The following TRPC5 variants were observed in gnomAD, a reference collection of about 807,000 sequenced individuals.
The protein encoded by TRPC5 is transient receptor potential cation channel subfamily C member 5.
Under a neutral mutation model 56.5 loss-of-function variants are expected in TRPC5, and 9 were observed. The observed-to-expected ratio is 0.16, with a 90% CI of 0.10 to 0.28. TRPC5 has a LOEUF of 0.28. Among genes scored for constraint, TRPC5 ranks in the 10% least tolerant of loss-of-function variants. The pLI is 1.00. For synonymous variants in TRPC5, 282 were observed against 278.5 expected (o/e 1.01, Z -0.13); for missense variants, 469 against 748.9 (o/e 0.63, Z 4.36).
chrX:111,867,267 GAAAGGACAGAAT>G, intron 3 of TRPC5, among the ~76,000 whole-genome samples: 1 of 111,748 alleles, frequency 8.9e-6, no homozygotes, highest in Middle Eastern at 4.6e-3. Flanking sequence ...TTTTATAAAA[GAAAGGACAGAAT>G]AAAGGACAGT....
chrX:111,875,354 G>C (rs1250311332), intron 3 of TRPC5, among the ~76,000 whole-genome samples: 1 of 110,948 alleles, frequency 9.0e-6, no homozygotes, highest in Non-Finnish European at 1.9e-5. Flanking sequence ...TTGAAGAAAA[G>C]ACTGAAGTTT....
At chrX:111,793,961 C>T (rs1253456158) in intron 7 of TRPC5, among the ~76,000 whole-genome samples, 1 of 111,422 alleles carries the variant, frequency 9.0e-6, no homozygotes, top group Non-Finnish European at 1.9e-5. Context: ...TCACAAGAGG[C>T]TGTATTCTAT....
At chrX:112,056,180 A>C (rs934137087) in intron 1 of TRPC5, among the ~76,000 whole-genome samples, 5 of 111,641 alleles carry the variant, frequency 4.5e-5, no homozygotes, top group African/African-American at 1.6e-4. Context: ...GCAGTGGCTC[A>C]AGTTGGGCCC....
chrX:111,819,645 C>T (rs1046422884), intron 7 of TRPC5, among the ~76,000 whole-genome samples: 5 of 111,808 alleles, frequency 4.5e-5, no homozygotes, highest in Non-Finnish European at 9.4e-5. Flanking sequence ...AGCTGCAGGT[C>T]CGTCCTCACC....
intron 4 of TRPC5, 84 bp downstream of exon 4, chrX:111,853,686 G>A (rs1014312909): frequency 1.0e-6 from 1 of 981,816 alleles, no homozygotes; most frequent in Non-Finnish European, 1.4e-6. Context: ...CTAGTTCAGA[G>A]CTAGTCTGAC....
intron 1 of TRPC5, among the ~76,000 whole-genome samples, chrX:111,996,234 C>G (rs767557970): frequency 5.6e-4 from 56 of 100,831 alleles, no homozygotes; most frequent in Admixed American, 7.7e-4. Context: ...CCTTCATTTC[C>G]TTATTTACCC....
At position 111,920,287 on chromosome X, in the gene TRPC5, A is replaced by G. The variant is rs1926093662; in HGVS notation, c.379-7475T>C. Among the ~76,000 whole-genome samples, 6 of 108,331 alleles carry G rather than the reference A, an allele frequency of 5.5e-5. No individual in the cohort carries two copies. In the South Asian group the frequency reaches 2.4e-3, roughly 43 times the overall value. 94.1% of individuals were successfully genotyped at this position (108,331 alleles called of 115,157 possible). A position where few individuals can be genotyped will look rare whatever the true frequency, so the allele number is the denominator to read the frequency against. ...GAGACTCTGTCTCAACAAAACAACAAAAAAAATGTATCTTAATCAAAAGCA... is the reference window on the plus strand; with the variant it reads ...GAGACTCTGTCTCAACAAAACAACAGAAAAAATGTATCTTAATCAAAAGCA... On this transcript the variant is annotated intron_variant, in intron 2 of 10. Transcript: ENST00000262839.
chrX:111,771,735 T>C lies in TRPC5; in HGVS notation c.*4578A>G, dbSNP rs1189821868. On this transcript the variant is annotated 3_prime_UTR_variant, in exon 11 of 11. Transcript: ENST00000262839. ...GACTTTATTTTGCCAAAAATGTGTATATTTAAGTCTTCCAGGTAAGTTATT... is the reference window on the plus strand; with the variant it reads ...GACTTTATTTTGCCAAAAATGTGTACATTTAAGTCTTCCAGGTAAGTTATT... Among the ~76,000 whole-genome samples the C allele has an allele frequency of 1.8e-5, 2 of 110,153 alleles. No individual in the cohort carries two copies. The highest frequency in any genetic ancestry group is 4.7e-3 in the Middle Eastern group (1 of 211).
chrX:111,863,719 C>T (rs1309326404), intron 3 of TRPC5, among the ~76,000 whole-genome samples: 3 of 111,797 alleles, frequency 2.7e-5, no homozygotes. Flanking sequence ...TTTCAAGTTT[C>T]CTATTAAGTG....
chrX:111,805,545 G>GA (rs1376760088), intron 7 of TRPC5, among the ~76,000 whole-genome samples: 1 of 111,524 alleles, frequency 9.0e-6, no homozygotes, highest in Admixed American at 9.6e-5. Context: ...TTATTGAGCT[G>GA]AAAAATCAAG....
At chrX:111,835,837 G>T (rs1922551081) in intron 6 of TRPC5, among the ~76,000 whole-genome samples, 1 of 111,820 alleles carries the variant, frequency 8.9e-6, no homozygotes, top group Non-Finnish European at 1.9e-5. Flanking sequence ...AAACTGCATG[G>T]AGGAGCTTGA....
intron 3 of TRPC5, among the ~76,000 whole-genome samples, chrX:111,898,521 C>T (rs994332601): frequency 9.2e-6 from 1 of 108,885 alleles, no homozygotes; most frequent in African/African-American, 3.3e-5. Context: ...GTTGTTCCTC[C>T]CTCCCTCCTT....
At chrX:111,955,156 T>C (rs1927200116) in intron 1 of TRPC5, among the ~76,000 whole-genome samples, 1 of 112,309 alleles carries the variant, frequency 8.9e-6, no homozygotes, top group African/African-American at 3.2e-5. Flanking sequence ...GTTTTAATTT[T>C]CATCTCTTGC....
At chrX:112,027,290 G>A (rs1292244580) in intron 1 of TRPC5, among the ~76,000 whole-genome samples, 1 of 111,906 alleles carries the variant, frequency 8.9e-6, no homozygotes, top group Non-Finnish European at 1.9e-5. Context: ...TGTTGTGTGT[G>A]TATGCGCATG....
chrX:112,054,672 T>G (rs1017320169), intron 1 of TRPC5, among the ~76,000 whole-genome samples: 1 of 110,981 alleles, frequency 9.0e-6, no homozygotes. Context: ...CAGCCAGAAC[T>G]AGAGATCTGA....
chrX:112,023,017 C>T (rs1929311760), intron 1 of TRPC5, among the ~76,000 whole-genome samples: 1 of 110,360 alleles, frequency 9.1e-6, no homozygotes, highest in African/African-American at 3.3e-5. Context: ...TCACTGCAAG[C>T]TCTACTTCCC....
intron 9 of TRPC5, among the ~76,000 whole-genome samples, chrX:111,779,914 G>A (rs1396232145): frequency 2.7e-5 from 3 of 111,360 alleles, no homozygotes; most frequent in African/African-American, 6.5e-5. Flanking sequence ...TTTTGTTATT[G>A]TTGAGGGCTA....
At chrX:111,844,327 G>A (rs763982109) in intron 6 of TRPC5, among the ~76,000 whole-genome samples, 17 of 111,086 alleles carry the variant, frequency 1.5e-4, no homozygotes, top group African/African-American at 2.6e-4. Flanking sequence ...TGAAGGCCAC[G>A]TATTCCCAGT....
At chrX:111,841,251 G>A (rs916800282) in intron 6 of TRPC5, among the ~76,000 whole-genome samples, 8 of 112,262 alleles carry the variant, frequency 7.1e-5, no homozygotes, top group Non-Finnish European at 1.1e-4. Flanking sequence ...GCTAGGTCAT[G>A]GCTCTGTCCT....
Sources: allele counts gnomAD v4.1 joint callset (sites outside exome capture counted in the v4.1 genomes callset), GRCh38; gene constraint gnomAD v4.1.1; transcripts MANE v1.5; gene names NCBI Gene and HGNC (gene_info 2026-07-23, HGNC 2026-07-21).